Variants in CFAP46 observed in about 807,000 individuals in gnomAD.
The protein encoded by CFAP46 is cilia and flagella associated protein 46.
Under a neutral mutation model 325.7 loss-of-function variants are expected in CFAP46, and 245 were observed. The observed-to-expected ratio is 0.75, with a 90% CI of 0.68 to 0.84. The LOEUF (loss-of-function observed/expected upper bound fraction) is 0.84, where lower values mean the gene tolerates loss of function less well. Among genes scored for constraint, CFAP46 ranks in the 40% least tolerant of loss-of-function variants. CFAP46 has a pLI of 0.00. For missense variants in CFAP46, 3,346 were observed against 3,543.0 expected (o/e 0.94, Z 1.41); for synonymous variants, 1,523 against 1,495.9 (o/e 1.02, Z -0.42).
At position 132,924,305 on chromosome 10, in the gene CFAP46, C is replaced by A. The variant is rs1424296397; in HGVS notation, c.1256+391G>T. Among the ~76,000 whole-genome samples the A allele has an allele frequency of 3.3e-5, 5 of 152,146 alleles. No individual in the cohort carries two copies. The East Asian group carries it at 9.7e-4, about 29-fold the overall frequency. ...CACGCTGGCCCCTGCATTCCTGTCA[C>A]CCCTGAGGACACACCGTGCTCCTCC... On this transcript the variant is annotated intron_variant, in intron 11 of 57. Coordinates refer to ENST00000368586, the MANE Select transcript of CFAP46 (RefSeq NM_001200049.3).
At chr10:132,910,098 C>A in intron 19 of CFAP46, 30 bp from the exon 20 acceptor site, 1 of 1,386,330 alleles carries the variant, frequency 7.2e-7, no homozygotes, top group Non-Finnish European at 9.4e-7. Flanking sequence ...GGTCACGAAA[C>A]CTGAATTCTA....
chr10:132,858,934 CT>C (rs1374475982), intron 38 of CFAP46, 136 bp downstream of exon 38: 7 of 858,454 alleles, frequency 8.2e-6, no homozygotes, highest in Non-Finnish European at 1.2e-5. Context: ...CAGCCGAGAG[CT>C]TCCCAGGGGA....
intron 50 of CFAP46, among the ~76,000 whole-genome samples, chr10:132,831,865 G>A (rs1238267645): frequency 1.3e-5 from 2 of 150,940 alleles, no homozygotes; most frequent in Admixed American, 6.6e-5. Flanking sequence ...CATCTTCTTC[G>A]TTATGTATTT....
At chr10:132,852,318 C>T (rs1848567504) in intron 39 of CFAP46, among the ~76,000 whole-genome samples, 1 of 111,148 alleles carries the variant, frequency 9.0e-6, no homozygotes, top group Non-Finnish European at 2.0e-5. Context: ...TATGTTCCTC[C>T]ATTTACTTAG....
intron 6 of CFAP46, 160 bp downstream of exon 6, chr10:132,937,392 G>T: frequency 1.3e-6 from 1 of 792,046 alleles, no homozygotes; most frequent in Non-Finnish European, 2.0e-6. Flanking sequence ...TGGATGAACT[G>T]CTATTTCTTT....
At chr10:132,896,570 T>C (rs1849323841) in intron 24 of CFAP46, among the ~76,000 whole-genome samples, 1 of 152,140 alleles carries the variant, frequency 6.6e-6, no homozygotes, top group Admixed American at 6.5e-5. Context: ...CTATAAAAGG[T>C]TGCTGAAAGA....
At chr10:132,840,630 A>G (rs1486669808) in intron 44 of CFAP46, among the ~76,000 whole-genome samples, 6 of 152,160 alleles carry the variant, frequency 3.9e-5, no homozygotes, top group African/African-American at 1.4e-4. Flanking sequence ...TTCATTCTCT[A>G]AGTCAGTTTA....
intron 50 of CFAP46, among the ~76,000 whole-genome samples, chr10:132,822,697 CTG>C (rs1328995568): frequency 1.7e-5 from 2 of 118,844 alleles, no homozygotes; most frequent in African/African-American, 3.4e-5. Context: ...CTGATGTGTG[CTG>C]TGTGAGTGCT....
At chr10:132,811,149 T>C in intron 55 of CFAP46, 118 bp from the exon 56 acceptor site, 1 of 855,386 alleles carries the variant, frequency 1.2e-6, no homozygotes, top group Non-Finnish European at 1.8e-6. Context: ...CGCTGGCCAC[T>C]CAGCTCCGGG....
chr10:132,872,577 A>G (rs1367850586), intron 32 of CFAP46, 99 bp downstream of exon 32: 4 of 1,367,206 alleles, frequency 2.9e-6, no homozygotes, highest in East Asian at 2.5e-5. Flanking sequence ...CAGGGACTTT[A>G]TTATTTACAC....
chr10:132,820,473 T>C (rs1035730642), intron 50 of CFAP46, among the ~76,000 whole-genome samples: 2 of 150,066 alleles, frequency 1.3e-5, no homozygotes, highest in Non-Finnish European at 2.9e-5. Context: ...TGATGTGTGC[T>C]GTGAGTGCTG....
At chr10:132,880,766 A>G in intron 28 of CFAP46, 95 bp downstream of exon 28, 1 of 1,413,298 alleles carries the variant, frequency 7.1e-7, no homozygotes. Flanking sequence ...CTGCACAGAC[A>G]CATGGATACC....
chr10:132,813,940 G>A (rs2134766534), intron 54 of CFAP46, among the ~76,000 whole-genome samples: 1 of 152,314 alleles, frequency 6.6e-6, no homozygotes, highest in South Asian at 2.1e-4. Context: ...GACCCTGGGG[G>A]CCCCAGGTCG....
At chr10:132,913,500 C>T (rs1037574153) in intron 17 of CFAP46, among the ~76,000 whole-genome samples, 6 of 152,328 alleles carry the variant, frequency 3.9e-5, no homozygotes, top group Middle Eastern at 3.4e-3. Flanking sequence ...AACCCTATTG[C>T]GATCAGCGCA....
Position 132,847,405 on chromosome 10 carries a change from T to A in CFAP46, c.5953-84A>T, listed in dbSNP as rs1390591355. The A allele has an allele frequency of 5.4e-5, 84 of 1,552,786 alleles. No homozygotes were observed. Among genetic ancestry groups the A allele is most frequent in the Non-Finnish European group, 7.0e-5 (80 of 1,138,156 alleles). On this transcript the variant is annotated intron_variant, in intron 41 of 57. Coordinates refer to ENST00000368586, the MANE Select transcript of CFAP46 (RefSeq NM_001200049.3). The surrounding 1 kb of genome is among the most constrained non-coding windows in gnomAD (Gnocchi z 5.2). ...GAGGGCCCACCCAGGGAGGCCGGGGTGGTCGGGCTCCTCAGCAGGGTCCCC... is the reference window on the plus strand; with the variant it reads ...GAGGGCCCACCCAGGGAGGCCGGGGAGGTCGGGCTCCTCAGCAGGGTCCCC...
chr10:132,922,289 C>G, intron 12 of CFAP46, 65 bp from the exon 13 acceptor site: 1 of 1,512,538 alleles, frequency 6.6e-7, no homozygotes, highest in Non-Finnish European at 8.9e-7. Flanking sequence ...TCTCCAACTT[C>G]TGGAGCCTCC....
At chr10:132,924,166 C>G (rs1325605365) in intron 11 of CFAP46, among the ~76,000 whole-genome samples, 4 of 152,174 alleles carry the variant, frequency 2.6e-5, no homozygotes, top group Admixed American at 1.3e-4. Context: ...ACCCCCAGTA[C>G]CTGTCTCCTG....
intron 22 of CFAP46, among the ~76,000 whole-genome samples, chr10:132,906,787 C>T (rs1849462894): frequency 3.2e-4 from 42 of 130,848 alleles, no homozygotes; most frequent in Admixed American, 5.9e-4. Flanking sequence ...GAACGGGGTC[C>T]TGGCGCGTGA....
chr10:132,913,364 GT>G, intron 17 of CFAP46, 106 bp from the exon 18 acceptor site: 1 of 611,022 alleles, frequency 1.6e-6, no homozygotes, highest in Non-Finnish European at 2.8e-6. Flanking sequence ...AGGGCAAGAA[GT>G]GGGAGGGGCG....
Sources: allele counts gnomAD v4.1 joint callset (sites outside exome capture counted in the v4.1 genomes callset), GRCh38; gene constraint gnomAD v4.1.1; non-coding constraint Gnocchi (gnomAD v3.1); transcripts MANE v1.5; gene names NCBI Gene and HGNC (gene_info 2026-07-23, HGNC 2026-07-21).